The following CLK2 variants were observed in gnomAD, a reference collection of about 807,000 sequenced individuals.
The protein encoded by CLK2 is CDC like kinase 2, also known as dual specificity protein kinase CLK2.
CLK2 carries 12 observed loss-of-function variants against 73.5 expected under a neutral mutation model. The ratio of observed to expected loss-of-function variants is 0.16; its 90% CI spans 0.10 to 0.26. The LOEUF is 0.26. Among genes scored for constraint, CLK2 ranks in the 10% least tolerant of loss-of-function variants. CLK2 has a pLI of 1.00. For missense variants in CLK2, 509 were observed against 688.4 expected, an observed-to-expected ratio of 0.74 and a Z score of 2.92; for synonymous variants, 232 against 237.9, an observed-to-expected ratio of 0.98 and a Z score of 0.23.
Position 155,263,342 on chromosome 1 carries a change from A to G in CLK2, c.1376T>C (p.Met459Thr), listed in dbSNP as rs150456292. 2 of 1,614,216 alleles carry G rather than the reference A, an allele frequency of 1.2e-6. No homozygotes were observed. Among genetic ancestry groups the G allele is most frequent in the Non-Finnish European group, 1.7e-6 (2 of 1,180,048 alleles). The change falls in exon 13 of 13, where the codon ATG (methionine) becomes ACG (threonine). Residue 459 changes from methionine to threonine, a missense_variant. Met to Thr is a moderately conservative substitution (Grantham distance 81). Coordinates refer to ENST00000368361, the MANE Select transcript of CLK2 (RefSeq NM_001294338.2). Reference sequence around the variant, plus strand: ...CCGCTTAGCTGGTTCATACTCTAGCATGCTTTCAATCAGATCGAAGAGCTG... The same window carrying G: ...CCGCTTAGCTGGTTCATACTCTAGCGTGCTTTCAATCAGATCGAAGAGCTG... Reference protein sequence around the residue: ...HHQLFDLIESMLEYEPAKRLT... With the variant: ...HHQLFDLIESTLEYEPAKRLT...
chr1:155,263,594 C>T (rs765866255), intron 12 of CLK2, 194 bp from the exon 13 acceptor site: 42 of 985,140 alleles, frequency 4.3e-5, no homozygotes, highest in Non-Finnish European at 5.1e-5. Flanking sequence ...CACAATTACT[C>T]CATAATCTTT....
chr1:155,268,304 A>G lies in CLK2; in HGVS notation c.543T>C (p.Val181=). The G allele has an allele frequency of 6.2e-7, 1 of 1,614,150 alleles. No individual in the cohort carries two copies. Among genetic ancestry groups the G allele is most frequent in the Non-Finnish European group, 8.5e-7 (1 of 1,180,000 alleles). The change falls in exon 5 of 13, where the codon GTT becomes GTC. Residue 181 remains valine, a synonymous_variant. Transcript: ENST00000368361. This position sits in a 1 kb window ranked among gnomAD's most constrained non-coding sequence, Gnocchi z 5.6. The part of the protein sequence containing the change: ...EGTFGRVVQC[V]DHRRGGARVA... ...GGACTGACAGTTACCTGCGATGGTC[A>G]ACACATTGTACAACTCGGCCGAAGG...
chr1:155,267,734 G>A (rs961427984), intron 6 of CLK2, among the ~76,000 whole-genome samples: 1 of 152,142 alleles, frequency 6.6e-6, no homozygotes, highest in East Asian at 1.9e-4. Context: ...TCAGTCCTAG[G>A]GCTATGTCCA....
Position 155,268,620 on chromosome 1 carries a change from C to T in CLK2, c.487+88G>A. The T allele has an allele frequency of 3.2e-6, 4 of 1,245,026 alleles. No individual in the cohort carries two copies. Among genetic ancestry groups the T allele is most frequent in the Non-Finnish European group, 4.7e-6 (4 of 846,294 alleles). The allele number at this position is 1,245,026 out of a possible 1,614,324, so 77.1% of individuals were successfully genotyped here. On this transcript the variant is annotated intron_variant, in intron 4 of 12. Transcript: ENST00000368361. The surrounding 1 kb of genome is among the most constrained non-coding windows in gnomAD (Gnocchi z 5.6). ...GATAAACAACACCACTGAGAAAAGG[C>T]AAGAGGCTGTGACTCAGGTTGGCTT...
chr1:155,263,057 C>A lies in CLK2; in HGVS notation c.*161G>T. ...AAGGCAGGGGTTGAAGTGATAGGTA[C>A]AAGTTCTTTCATATTTACACTATTT... On this transcript the variant is annotated 3_prime_UTR_variant, in exon 13 of 13. Transcript: ENST00000368361. The A allele has an allele frequency of 1.5e-6, 1 of 688,440 alleles. No individual in the cohort carries two copies. 42.6% of individuals were successfully genotyped at this position (688,440 alleles called of 1,614,324 possible).
intron 3 of CLK2, 94 bp downstream of exon 3, chr1:155,269,394 A>G (rs533252740): frequency 5.7e-5 from 64 of 1,124,528 alleles, no homozygotes; most frequent in South Asian, 4.8e-4. Context: ...TCATGCCCCA[A>G]TGTTCAGCTG....
chr1:155,271,062 G>C (rs375464033), intron 1 of CLK2, 85 bp from the exon 2 acceptor site: 4 of 1,374,136 alleles, frequency 2.9e-6, no homozygotes, highest in East Asian at 4.6e-5. Flanking sequence ...AAGATGCTAA[G>C]CTGCTTTCCC....
rs562273662 is a variant in CLK2, at chr1:155,266,641, T to C, written c.838+88A>G. The C allele has an allele frequency of 1.3e-5, 18 of 1,400,228 alleles. No homozygotes were observed. The African/African-American group carries it at 2.3e-4, about 18-fold the overall frequency. The allele number at this position is 1,400,228 out of a possible 1,614,324, so 86.7% of individuals were successfully genotyped here. A position where few individuals can be genotyped will look rare whatever the true frequency, so the allele number is the denominator to read the frequency against. ...ACTGCAGATAACAGACAGCTGACTG[T>C]TTAGGGGCTTCACCAGTGCACAACC... is the stretch of plus-strand genomic sequence containing the variant. On this transcript the variant is annotated intron_variant, in intron 7 of 12. Transcript: ENST00000368361.
At position 155,268,607 on chromosome 1, in the gene CLK2, CACT is replaced by C; in HGVS notation, c.487+98_487+100del. 1 of 1,126,522 alleles carries C rather than the reference CACT, an allele frequency of 8.9e-7. No individual in the cohort carries two copies. The highest frequency in any genetic ancestry group is 1.3e-6 in the Non-Finnish European group (1 of 741,478). 69.8% of individuals were successfully genotyped at this position (1,126,522 alleles called of 1,614,324 possible). The stretch of plus-strand genomic sequence containing the variant: ...CTCAAACCACCCAGATAAACAACAC[CACT>C]GAGAAAAGGCAAGAGGCTGTGACTC... On this transcript the variant is annotated intron_variant, in intron 4 of 12. Transcript: ENST00000368361. The surrounding 1 kb of genome is among the most constrained non-coding windows in gnomAD (Gnocchi z 5.6).
Position 155,269,709 on chromosome 1 carries a change from C to A in CLK2, c.178G>T (p.Asp60Tyr). ...ACCCTCCGGTCGGACGAACGATCAT[C>A]ATAACTGCTGTTGGATAACAAATAC... ...SYHVRSRSSYDDRSSDRRVYD... is the reference protein window; with the variant it reads ...SYHVRSRSSYYDRSSDRRVYD... The change falls in exon 3 of 13, where the codon GAT becomes TAT. Residue 60 changes from aspartate (D) to tyrosine (Y), a missense_variant. Around this residue, in one of 6 missense-constraint regions of CLK2, gnomAD observed 222 missense variants for 221.7 expected, o/e 1.00. Coordinates refer to ENST00000368361, the MANE Select transcript of CLK2 (RefSeq NM_001294338.2). The A allele has an allele frequency of 3.1e-6, 5 of 1,614,100 alleles. No individual in the cohort carries two copies. The highest frequency in any genetic ancestry group is 4.2e-6 in the Non-Finnish European group (5 of 1,179,914).
At chr1:155,266,466 A>G (rs1380431882) in intron 7 of CLK2, among the ~76,000 whole-genome samples, 3 of 152,216 alleles carry the variant, frequency 2.0e-5, no homozygotes, top group Non-Finnish European at 4.4e-5. Context: ...GAGAAAGGAA[A>G]AGGGGAGGGT....
chr1:155,267,200 C>T (rs1673271499), intron 6 of CLK2, among the ~76,000 whole-genome samples: 1 of 152,170 alleles, frequency 6.6e-6, no homozygotes, highest in Non-Finnish European at 1.5e-5. Context: ...TCAAGCGATT[C>T]TCCTGCCTCA....
In CLK2 at chr1:155,263,135, G is replaced by T; in HGVS notation, c.*83C>A. On this transcript the variant is annotated 3_prime_UTR_variant, in exon 13 of 13. Transcript: ENST00000368361. ...AGGAGGAAGGAGTGAACTCTGGCTC[G>T]TTCTCTTGTATAAAAAAGCACCAGT... 1 of 1,361,164 alleles carries T rather than the reference G, an allele frequency of 7.3e-7. No homozygotes were observed. The highest frequency in any genetic ancestry group is 9.9e-7 in the Non-Finnish European group (1 of 1,011,156). The allele number at this position is 1,361,164 out of a possible 1,614,324, so 84.3% of individuals were successfully genotyped here. A position where few individuals can be genotyped will look rare whatever the true frequency, so the allele number is the denominator to read the frequency against.
In CLK2 at chr1:155,270,950, A is replaced by T. The variant is rs1180828272; in HGVS notation, c.28T>A (p.Ser10Thr). The T allele has an allele frequency of 6.2e-7, 1 of 1,613,766 alleles. No homozygotes were observed. The highest frequency in any genetic ancestry group is 2.2e-5 in the East Asian group (1 of 44,890). The change falls in exon 2 of 13, where the codon TCA becomes ACA. Residue 10 changes from serine to threonine, a missense_variant. This residue lies in a region of CLK2 where 222 missense variants were observed against 221.7 expected (regional missense o/e 1.00). Transcript: ENST00000368361. The part of the protein sequence containing the change: MPHPRRYHS[S>T]ERGSRGSYRE... ...TAACTCCCCCGGCTGCCTCGCTCTG[A>T]GGAGTGGTACCTTCGAGGATGCGGC... is the stretch of plus-strand genomic sequence containing the variant.
At position 155,263,212 on chromosome 1, in the gene CLK2, T is replaced by C. The variant is rs771979441; in HGVS notation, c.*6A>G. On this transcript the variant is annotated 3_prime_UTR_variant, in exon 13 of 13. Coordinates refer to ENST00000368361, the MANE Select transcript of CLK2 (RefSeq NM_001294338.2). ...AAAAGATGCAGGGGGGCCCAGGGCC[T>C]GATCGTCACCGACTGATATCCCGAC... The C allele has an allele frequency of 1.2e-6, 2 of 1,610,962 alleles. No homozygotes were observed. Among genetic ancestry groups the C allele is most frequent in the Non-Finnish European group, 1.7e-6 (2 of 1,178,638 alleles).
At chr1:155,266,120 G>A (rs1458282902) in intron 7 of CLK2, among the ~76,000 whole-genome samples, 166 bp from the exon 8 acceptor site, 1 of 151,906 alleles carries the variant, frequency 6.6e-6, no homozygotes, top group East Asian at 1.9e-4. Context: ...GGTCTAAGAA[G>A]CTCTGCTCTT....
chr1:155,270,954 G>A lies in CLK2; in HGVS notation c.24C>T (p.His8=). 6.2e-7 allele frequency: 1 copy of A among 1,612,912 alleles called. No homozygotes were observed. The highest frequency in any genetic ancestry group is 8.5e-7 in the Non-Finnish European group (1 of 1,178,938). MPHPRRY[H]SSERGSRGSY... is the part of the protein sequence containing the mutation. ...TCCCCCGGCTGCCTCGCTCTGAGGA[G>A]TGGTACCTTCGAGGATGCGGCATCT... The change falls in exon 2 of 13, where the codon CAC becomes CAT. Residue 8 remains histidine (H), a synonymous_variant. Coordinates refer to ENST00000368361, the MANE Select transcript of CLK2 (RefSeq NM_001294338.2).
chr1:155,266,686 G>A (rs1673248273), intron 7 of CLK2, 43 bp downstream of exon 7: 3 of 1,588,774 alleles, frequency 1.9e-6, no homozygotes, highest in African/African-American at 2.7e-5. Context: ...ATCCAATGAA[G>A]GGAGGGACTG....
At chr1:155,263,432 A>T in intron 12 of CLK2, 32 bp from the exon 13 acceptor site, 1 of 1,612,140 alleles carries the variant, frequency 6.2e-7, no homozygotes, top group Non-Finnish European at 8.5e-7. Flanking sequence ...AAGGTGAGGC[A>T]GGATGCCTTA....
Sources: allele counts gnomAD v4.1 joint callset (sites outside exome capture counted in the v4.1 genomes callset), GRCh38; gene constraint gnomAD v4.1.1; regional missense constraint gnomAD v4.1.1; non-coding constraint Gnocchi (gnomAD v3.1); transcripts MANE v1.5; gene names NCBI Gene and HGNC (gene_info 2026-07-23, HGNC 2026-07-21).